The following EPB41L5 variants were observed in gnomAD, a reference collection of about 807,000 sequenced individuals.
EPB41L5 encodes erythrocyte membrane protein band 4.1 like 5.
Under a neutral mutation model 106.6 loss-of-function variants are expected in EPB41L5, and 55 were observed. The observed-to-expected ratio is 0.52, with a 90% CI of 0.42 to 0.65. The LOEUF (loss-of-function observed/expected upper bound fraction) is 0.65, where lower values mean the gene tolerates loss of function less well. Among genes scored for constraint, EPB41L5 ranks in the 30% least tolerant of loss-of-function variants. EPB41L5 has a pLI of 0.00. For missense variants in EPB41L5, 871 were observed against 882.1 expected, an observed-to-expected ratio of 0.99 and a Z score of 0.16; for synonymous variants, 297 against 306.7, an observed-to-expected ratio of 0.97 and a Z score of 0.33.
Position 120,175,068 on chromosome 2 carries a change from CA to C in EPB41L5, c.*163del. The C allele has an allele frequency of 1.4e-6, 1 of 690,350 alleles. No individual in the cohort carries two copies. Among genetic ancestry groups the C allele is most frequent in the Non-Finnish European group, 2.6e-6 (1 of 384,506 alleles). The allele number at this position is 690,350 out of a possible 1,614,324, so 42.8% of individuals were successfully genotyped here. Reference sequence around the variant, plus strand: ...AAAAAAGACAGCTGTATTTTCCGTCCAACTGGAATTGTTGAATCACACTGCA... The same window carrying C: ...AAAAAAGACAGCTGTATTTTCCGTCCACTGGAATTGTTGAATCACACTGCA... On this transcript the variant is annotated 3_prime_UTR_variant, in exon 25 of 25. Coordinates refer to ENST00000263713, the MANE Select transcript of EPB41L5 (RefSeq NM_020909.4).
At chr2:120,021,691 T>C (rs931954858) in intron 2 of EPB41L5, among the ~76,000 whole-genome samples, 3 of 152,218 alleles carry the variant, frequency 2.0e-5, no homozygotes, top group Admixed American at 6.5e-5. Context: ...ATCGTACTTA[T>C]TAACCTAACT....
intron 5 of EPB41L5, 158 bp downstream of exon 5, chr2:120,074,336 A>G (rs1455740866): frequency 1.7e-6 from 1 of 584,688 alleles, no homozygotes; most frequent in African/African-American, 1.9e-5. Flanking sequence ...CGTGTTTTTT[A>G]AGTGTATGAT....
intron 3 of EPB41L5, among the ~76,000 whole-genome samples, chr2:120,048,370 C>T (rs981394552): frequency 1.6e-4 from 24 of 152,110 alleles, no homozygotes; most frequent in African/African-American, 5.6e-4. Context: ...GATTCAGCTT[C>T]TTCCTGGTTT....
intron 2 of EPB41L5, among the ~76,000 whole-genome samples, chr2:120,032,795 A>G (rs1416346528): frequency 6.6e-6 from 1 of 152,226 alleles, no homozygotes; most frequent in East Asian, 1.9e-4. Flanking sequence ...ATTTTGTTAT[A>G]CTGTAAGAGT....
chr2:120,056,290 G>A (rs774907677), intron 3 of EPB41L5, among the ~76,000 whole-genome samples: 2 of 150,816 alleles, frequency 1.3e-5, no homozygotes, highest in Non-Finnish European at 3.0e-5. Flanking sequence ...ATCCCACTTA[G>A]TCATGGTTTA....
intron 2 of EPB41L5, among the ~76,000 whole-genome samples, chr2:120,027,644 A>G (rs1225431182): frequency 6.6e-6 from 1 of 152,056 alleles, no homozygotes; most frequent in African/African-American, 2.4e-5. Context: ...GGCTCAAGTG[A>G]TGCACCACTC....
intron 3 of EPB41L5, among the ~76,000 whole-genome samples, chr2:120,067,983 G>A (rs1042047958): frequency 5.3e-5 from 8 of 152,204 alleles, no homozygotes; most frequent in Admixed American, 2.0e-4. Flanking sequence ...TCACATGATG[G>A]CTGGCAAGAT....
chr2:120,165,614 C>G (rs1045809925), intron 22 of EPB41L5, among the ~76,000 whole-genome samples: 1 of 152,146 alleles, frequency 6.6e-6, no homozygotes, highest in African/African-American at 2.4e-5. Context: ...AGATGCACAA[C>G]TCATGGATAT....
chr2:120,154,754 G>A lies in EPB41L5; in HGVS notation c.1794-6127G>A, dbSNP rs191116128. 6.8e-4 allele frequency among the ~76,000 whole-genome samples: 103 copies of A among 151,910 alleles called. 1 individual carries two copies. The highest frequency in any genetic ancestry group is 2.2e-3 in the African/African-American group (93 of 41,458). ...ATCCTGGCTAACATGGTGAAACCCC[G>A]TCTCTGCTAAAAATACAAAATATTA... On this transcript the variant is annotated intron_variant, in intron 20 of 24. Transcript: ENST00000263713.
intron 16 of EPB41L5, among the ~76,000 whole-genome samples, chr2:120,121,685 T>C (rs1308340402): frequency 6.6e-6 from 1 of 152,266 alleles, no homozygotes; most frequent in Admixed American, 6.5e-5. Context: ...GCATGATTTA[T>C]AATCCTTTGG....
At chr2:120,052,180 G>A (rs1415624499) in intron 3 of EPB41L5, among the ~76,000 whole-genome samples, 1 of 152,088 alleles carries the variant, frequency 6.6e-6, no homozygotes, top group Admixed American at 6.5e-5. Context: ...GGAGTACTGC[G>A]GTTTCCTTAG....
intron 4 of EPB41L5, among the ~76,000 whole-genome samples, chr2:120,073,746 A>T (rs1299523269): frequency 6.6e-6 from 1 of 152,114 alleles, no homozygotes; most frequent in Non-Finnish European, 1.5e-5. Context: ...AACTTGCTGA[A>T]TTGTATTTGT....
intron 6 of EPB41L5, 73 bp downstream of exon 6, chr2:120,075,593 A>C: frequency 7.0e-7 from 1 of 1,419,826 alleles, no homozygotes; most frequent in South Asian, 1.2e-5. Context: ...AAATAAGTTT[A>C]TAGTTGTAAA....
intron 20 of EPB41L5, among the ~76,000 whole-genome samples, chr2:120,148,644 G>A (rs1049792518): frequency 2.0e-5 from 3 of 151,880 alleles, no homozygotes; most frequent in African/African-American, 2.4e-5. Flanking sequence ...TACATTCAAC[G>A]TAATATTTTC....
chr2:120,103,046 C>T (rs1487011610), intron 16 of EPB41L5, among the ~76,000 whole-genome samples: 1 of 152,106 alleles, frequency 6.6e-6, no homozygotes, highest in Non-Finnish European at 1.5e-5. Context: ...TTAAAAAAGC[C>T]TTCCAATTTT....
At chr2:120,157,883 C>T (rs140376736) in intron 20 of EPB41L5, among the ~76,000 whole-genome samples, 56 of 151,664 alleles carry the variant, frequency 3.7e-4, no homozygotes, top group Non-Finnish European at 6.8e-4. Context: ...GAGAGAGGAT[C>T]TAAATAAACA....
At chr2:120,076,470 CTTTTTTTTTT>C (rs35333671) in intron 7 of EPB41L5, among the ~76,000 whole-genome samples, 1 of 58,882 alleles carries the variant, frequency 1.7e-5, no homozygotes, top group East Asian at 6.2e-4. Context: ...AATTTTTGTA[CTTTTTTTTTT>C]TTTTTTTTTT....
chr2:120,046,203 C>T (rs1160526203), intron 3 of EPB41L5, among the ~76,000 whole-genome samples: 5 of 152,164 alleles, frequency 3.3e-5, no homozygotes, highest in African/African-American at 1.2e-4. Flanking sequence ...AATGGTATTT[C>T]TAGTTCTAGA....
intron 20 of EPB41L5, among the ~76,000 whole-genome samples, chr2:120,150,176 T>G (rs1393373963): frequency 6.6e-6 from 1 of 152,090 alleles, no homozygotes; most frequent in African/African-American, 2.4e-5. Flanking sequence ...AAATTACAGG[T>G]GGGAGCCACC....
Sources: allele counts gnomAD v4.1 joint callset (sites outside exome capture counted in the v4.1 genomes callset), GRCh38; gene constraint gnomAD v4.1.1; transcripts MANE v1.5; gene names NCBI Gene and HGNC (gene_info 2026-07-23, HGNC 2026-07-21).